The following ZNF473 variants were observed in gnomAD, a reference collection of about 807,000 sequenced individuals.
The protein encoded by ZNF473 is zinc finger protein 100 homolog.
In ZNF473, 4 loss-of-function variants were observed where a neutral mutation model predicts 11.1. That is an observed-to-expected ratio of 0.36 (90% CI 0.18 to 0.82). The LOEUF is 0.82. ZNF473 is among the 40% of genes least tolerant of loss of function. The pLI, the probability that ZNF473 is intolerant of heterozygous loss-of-function variation, is 0.49. For missense variants in ZNF473, 854 were observed against 1,084.0 expected (o/e 0.79, Z 2.98); for synonymous variants, 404 against 390.4 (o/e 1.03, Z -0.41).
At position 50,045,574 on chromosome 19, in the gene ZNF473, T is replaced by C; in HGVS notation, c.1131T>C (p.Cys377=). 1 of 1,614,172 alleles carries C rather than the reference T, an allele frequency of 6.2e-7. No homozygotes were observed. The highest frequency in any genetic ancestry group is 8.5e-7 in the Non-Finnish European group (1 of 1,180,032). The change falls in exon 5 of 5, where the codon TGT becomes TGC. Residue 377 remains cysteine, a synonymous_variant. Transcript: ENST00000270617. The part of the protein sequence containing the change: ...KTHAAKTTSE[C]QECGKIFRHS... ...ACGCTGCAAAAACTACCTCTGAGTG[T>C]CAGGAGTGTGGGAAGATTTTTAGGC...
At chr19:50,038,966 A>G (rs868634040) in intron 2 of ZNF473, among the ~76,000 whole-genome samples, 195 bp from the exon 3 acceptor site, 1 of 152,148 alleles carries the variant, frequency 6.6e-6, no homozygotes, top group Non-Finnish European at 1.5e-5. Flanking sequence ...CCCCTGGTCA[A>G]AGTCAAGGTC....
In ZNF473 at chr19:50,046,086, G is replaced by A; in HGVS notation, c.1643G>A (p.Gly548Glu). 1 of 1,614,186 alleles carries A rather than the reference G, an allele frequency of 6.2e-7. No individual in the cohort carries two copies. The highest frequency in any genetic ancestry group is 8.5e-7 in the Non-Finnish European group (1 of 1,180,038). Residue 548 changes from glycine (G) to glutamate (E), a missense_variant, in exon 5 of 5, where the codon GGG (glycine) becomes GAG (glutamate). By Grantham distance (98) the Gly-to-Glu change is moderately conservative. Coordinates refer to ENST00000270617, the MANE Select transcript of ZNF473 (RefSeq NM_015428.4). This position sits in a 1 kb window ranked among gnomAD's most constrained non-coding sequence, Gnocchi z 5.9. ...GAAAAACAAGGATTTTTTGTGAGTG[G>A]GAAGATCTTGGATCAGAACCCAGAA... is the stretch of plus-strand genomic sequence containing the variant. ...AREKQGFFVSGKILDQNPEQK... is the reference protein window; with the variant it reads ...AREKQGFFVSEKILDQNPEQK...
At position 50,031,025 on chromosome 19, in the gene ZNF473, G is replaced by A. The variant is rs1474274287; in HGVS notation, c.-58G>A. On this transcript the variant is annotated 5_prime_UTR_variant, in exon 2 of 5. Coordinates refer to ENST00000270617, the MANE Select transcript of ZNF473 (RefSeq NM_015428.4). ...TGTGCTTCCCACAGCCCTGCCAGCC[G>A]GGAACACGGAGGGGAAGGAGGAGGA... is the stretch of plus-strand genomic sequence containing the variant. The A allele has an allele frequency of 4.4e-5, 69 of 1,554,924 alleles. 4 individuals are homozygous for A. In the South Asian group the frequency reaches 6.1e-4, roughly 14 times the overall value.
At chr19:50,035,027 C>T (rs1175104400) in intron 2 of ZNF473, among the ~76,000 whole-genome samples, 2 of 152,192 alleles carry the variant, frequency 1.3e-5, no homozygotes, top group Non-Finnish European at 2.9e-5. Context: ...CATGGTGGCT[C>T]ATGCCTGTAA....
At position 50,039,397 on chromosome 19, in the gene ZNF473, C is replaced by T; in HGVS notation, c.136+110C>T. 1 of 1,419,950 alleles carries T rather than the reference C, an allele frequency of 7.0e-7. No homozygotes were observed. The highest frequency in any genetic ancestry group is 1.3e-5 in the South Asian group (1 of 76,678). 88.0% of individuals were successfully genotyped at this position (1,419,950 alleles called of 1,614,324 possible). On this transcript the variant is annotated intron_variant, in intron 3 of 4. Transcript: ENST00000270617. This position sits in a 1 kb window ranked among gnomAD's most constrained non-coding sequence, Gnocchi z 4.8. ...TGGCTCCTGGGCTCCTCAGAATCAG[C>T]ATGACCTAGCCCAGCAGTTCTCAGC...
At position 50,039,854 on chromosome 19, in the gene ZNF473, C is replaced by T. The variant is rs1275176025; in HGVS notation, c.136+567C>T. Among the ~76,000 whole-genome samples the T allele has an allele frequency of 6.6e-6, 1 of 152,198 alleles. No individual in the cohort carries two copies. Among genetic ancestry groups the T allele is most frequent in the East Asian group, 1.9e-4 (1 of 5,202 alleles). On this transcript the variant is annotated intron_variant, in intron 3 of 4. Coordinates refer to ENST00000270617, the MANE Select transcript of ZNF473 (RefSeq NM_015428.4). The surrounding 1 kb of genome is among the most constrained non-coding windows in gnomAD (Gnocchi z 4.8). Reference sequence around the variant, plus strand: ...ACCATTGTATCATTCAGAGCGGGAGCTGTGTGAGGACAGGGCGTGTCCCCA... The same window carrying T: ...ACCATTGTATCATTCAGAGCGGGAGTTGTGTGAGGACAGGGCGTGTCCCCA...
chr19:50,043,083 G>C (rs1244996675), intron 4 of ZNF473: 2 of 152,324 alleles, frequency 1.3e-5, no homozygotes, highest in Non-Finnish European at 2.9e-5. Flanking sequence ...GAGGCATACA[G>C]CAGAGCAGTG....
At chr19:50,044,373 A>C (rs1043699306) in intron 4 of ZNF473, among the ~76,000 whole-genome samples, 2 of 152,094 alleles carry the variant, frequency 1.3e-5, no homozygotes, top group Non-Finnish European at 2.9e-5. Flanking sequence ...ACAGTACAGG[A>C]TAGAGTGGAG....
chr19:50,034,337 T>C (rs770086723), intron 2 of ZNF473, among the ~76,000 whole-genome samples: 3 of 152,238 alleles, frequency 2.0e-5, no homozygotes, highest in Non-Finnish European at 4.4e-5. Flanking sequence ...GCTTCTGCCC[T>C]TCTCACCTTC....
intron 2 of ZNF473, among the ~76,000 whole-genome samples, chr19:50,036,859 C>G (rs1295994498): frequency 6.6e-6 from 1 of 152,094 alleles, no homozygotes; most frequent in Non-Finnish European, 1.5e-5. Context: ...TTCCCAGCCT[C>G]GAGAACTATA....
At chr19:50,038,177 T>TTTATAA (rs1368322904) in intron 2 of ZNF473, among the ~76,000 whole-genome samples, 1 of 133,564 alleles carries the variant, frequency 7.5e-6, no homozygotes, top group African/African-American at 3.6e-5. Context: ...TAAATTATAA[T>TTTATAA]TTTATAAATT....
In ZNF473 at chr19:50,046,288, A is replaced by G; in HGVS notation, c.1845A>G (p.Arg615=). ...TTCACCATCAAAGAATCCACTCTAG[A>G]GTGAGGCTGTATAAATGGGGTGAGC... ...RLIHHQRIHS[R]VRLYKWGEQG... is the part of the protein sequence containing the mutation. The change falls in exon 5 of 5, where the codon AGA becomes AGG. Residue 615 remains arginine (R), a synonymous_variant. Transcript: ENST00000270617. This position sits in a 1 kb window ranked among gnomAD's most constrained non-coding sequence, Gnocchi z 5.9. 1 of 1,614,110 alleles carries G rather than the reference A, an allele frequency of 6.2e-7. No homozygotes were observed. Among genetic ancestry groups the G allele is most frequent in the Non-Finnish European group, 8.5e-7 (1 of 1,180,008 alleles).
In ZNF473 at chr19:50,046,997, C is replaced by G. The variant is rs1031592392; in HGVS notation, c.2554C>G (p.Arg852Gly). 2 of 1,613,796 alleles carry G rather than the reference C, an allele frequency of 1.2e-6. No homozygotes were observed. Among genetic ancestry groups the G allele is most frequent in the African/African-American group, 2.7e-5 (2 of 74,904 alleles). ...YQCQRCQKAF[R>G]CHSSLSRHQR... ...GTGTCAACGTTGCCAGAAAGCCTTT[C>G]GGTGCCACTCGAGCCTCAGCCGCCA... The change falls in exon 5 of 5, where the codon CGG becomes GGG. Residue 852 changes from arginine to glycine, a missense_variant. Arg to Gly is a moderately radical substitution (Grantham distance 125). Transcript: ENST00000270617. This position sits in a 1 kb window ranked among gnomAD's most constrained non-coding sequence, Gnocchi z 5.9.
intron 2 of ZNF473, among the ~76,000 whole-genome samples, chr19:50,032,581 CG>C (rs1460852653): frequency 6.6e-6 from 1 of 152,086 alleles, no homozygotes; most frequent in African/African-American, 2.4e-5. Flanking sequence ...ACTAGGGAAA[CG>C]GTTTAGGTGG....
rs755353696 is a variant in ZNF473 at position 50,039,220 on chromosome 19, C to T, written c.69C>T (p.Leu23=). ...MDFTLGDWEQ[L]GLEQGDTFWD... ...TCACCTTGGGAGACTGGGAGCAGCT[C>T]GGGCTGGAACAGGGGGACACGTTCT... Residue 23 remains leucine, a synonymous_variant, in exon 3 of 5, where the codon CTC becomes CTT. Transcript: ENST00000270617. The surrounding 1 kb of genome is among the most constrained non-coding windows in gnomAD (Gnocchi z 4.8). The T allele has an allele frequency of 1.5e-5, 24 of 1,614,128 alleles. No individual in the cohort carries two copies. The highest frequency in any genetic ancestry group is 1.2e-4 in the African/African-American group (9 of 75,054).
intron 2 of ZNF473, among the ~76,000 whole-genome samples, chr19:50,036,462 C>T (rs1052328438): frequency 5.3e-5 from 8 of 151,236 alleles, no homozygotes; most frequent in African/African-American, 1.7e-4. Context: ...TACAGGTGCC[C>T]GCCACCATGC....
rs779897006 is a variant in ZNF473 at position 50,045,589 on chromosome 19, G to A, written c.1146G>A (p.Lys382=). Residue 382 remains lysine, a synonymous_variant, in exon 5 of 5, where the codon AAG becomes AAA. Transcript: ENST00000270617. The part of the protein sequence containing the change: ...KTTSECQECG[K]IFRHSSLLIE... ...CCTCTGAGTGTCAGGAGTGTGGGAAGATTTTTAGGCACAGTTCGCTGCTCA... is the reference window on the plus strand; with the variant it reads ...CCTCTGAGTGTCAGGAGTGTGGGAAAATTTTTAGGCACAGTTCGCTGCTCA... The A allele has an allele frequency of 2.5e-6, 4 of 1,614,150 alleles. No homozygotes were observed. In the Admixed American group the frequency reaches 6.7e-5, roughly 27 times the overall value.
chr19:50,041,858 CT>C, intron 4 of ZNF473, 39 bp downstream of exon 4: 2 of 1,525,642 alleles, frequency 1.3e-6, no homozygotes, highest in Non-Finnish European at 1.8e-6. Flanking sequence ...TACCTTCTGT[CT>C]TCCAGACCTC....
intron 4 of ZNF473, chr19:50,043,116 C>T (rs2064057372): frequency 6.6e-6 from 1 of 152,008 alleles, no homozygotes; most frequent in African/African-American, 2.4e-5. Context: ...TGTGAAGGAT[C>T]CCAGAGAGCA....
Sources: gnomAD v4.1 joint callset for allele counts (sites outside exome capture counted in the v4.1 genomes callset) on GRCh38, gnomAD v4.1.1 for gene constraint, Gnocchi (gnomAD v3.1) non-coding constraint, MANE v1.5 for transcripts, NCBI Gene and HGNC (gene_info 2026-07-23, HGNC 2026-07-21) for gene names.